CORO7: variants seen among roughly 807,000 people sequenced by gnomAD.
CORO7 encodes the protein coronin 7.
In CORO7, 107 loss-of-function variants were observed where a neutral mutation model predicts 126.6. That is an observed-to-expected ratio of 0.85 (90% CI 0.72 to 0.99). CORO7 has a LOEUF of 0.99. CORO7 is among the 50% of genes least tolerant of loss of function. The probability of loss-of-function intolerance (pLI) is 0.00; values close to 1 mark genes in which losing one functional copy is unlikely to be tolerated. For missense variants in CORO7, 1,314 were observed against 1,255.8 expected, an observed-to-expected ratio of 1.05 and a Z score of -0.70; for synonymous variants, 603 against 536.8, an observed-to-expected ratio of 1.12 and a Z score of -1.70.
chr16:4,365,948 C>A (rs1338791245), intron 9 of CORO7, among the ~76,000 whole-genome samples: 5 of 152,200 alleles, frequency 3.3e-5, no homozygotes, highest in Non-Finnish European at 7.3e-5. Context: ...AGGAGCCTCC[C>A]GTCCCCACTC....
intron 9 of CORO7, chr16:4,382,446 C>T: frequency 1.2e-6 from 2 of 1,609,612 alleles, no homozygotes; most frequent in Non-Finnish European, 1.7e-6. Flanking sequence ...ACACGGTCAC[C>T]CAGCTGCGGC....
intron 7 of CORO7, 144 bp downstream of exon 7, chr16:4,395,145 G>A: frequency 9.0e-7 from 1 of 1,106,374 alleles, no homozygotes; most frequent in East Asian, 2.6e-5. Context: ...CCCAGCAGTG[G>A]TGGTCCACCT....
At chr16:4,366,949 C>T (rs1198642839) in intron 9 of CORO7, among the ~76,000 whole-genome samples, 1 of 152,162 alleles carries the variant, frequency 6.6e-6, no homozygotes, top group Non-Finnish European at 1.5e-5. Flanking sequence ...CAGAGGTCAC[C>T]CAGCTGTGGC....
chr16:4,361,322 C>G (rs1440556925), intron 17 of CORO7, 39 bp downstream of exon 17: 1 of 1,611,066 alleles, frequency 6.2e-7, no homozygotes, highest in Non-Finnish European at 8.5e-7. Context: ...ATCCGGGACC[C>G]AGGACCCTCC....
chr16:4,361,685 G>A, intron 16 of CORO7: 1 of 789,946 alleles, frequency 1.3e-6, no homozygotes, highest in Non-Finnish European at 2.1e-6. Context: ...AGCGTGAACT[G>A]GCGGGAAAAG....
intron 7 of CORO7, among the ~76,000 whole-genome samples, chr16:4,394,678 G>A (rs983738815): frequency 5.3e-5 from 8 of 152,230 alleles, no homozygotes; most frequent in African/African-American, 1.9e-4. Context: ...GCCTAGCACA[G>A]GCAATGTTTA....
In CORO7 at chr16:4,393,593, G is replaced by T. The variant is rs569122699; in HGVS notation, c.615+1696C>A. Among the ~76,000 whole-genome samples the T allele has an allele frequency of 2.0e-5, 3 of 152,284 alleles. No homozygotes were observed. In the South Asian group the frequency reaches 6.2e-4, roughly 32 times the overall value. On this transcript the variant is annotated intron_variant, in intron 7 of 27. Transcript: ENST00000251166. Reference sequence around the variant, plus strand: ...TCTCCTGAGTCTTGTGTGTGTAGGGGGCTCTGGGGCTCCGGGCTACCACTA... The same window carrying T: ...TCTCCTGAGTCTTGTGTGTGTAGGGTGCTCTGGGGCTCCGGGCTACCACTA...
chr16:4,361,827 C>T, intron 16 of CORO7, 158 bp downstream of exon 16: 1 of 1,200,918 alleles, frequency 8.3e-7, no homozygotes, highest in Non-Finnish European at 1.2e-6. Context: ...ATAAAAGTGG[C>T]AGGCCCCATG....
chr16:4,361,731 C>A (rs1395232345), intron 16 of CORO7: 2 of 798,776 alleles, frequency 2.5e-6, no homozygotes, highest in South Asian at 2.9e-5. Flanking sequence ...GGCTTCGGAT[C>A]CCAGCTCCAC....
chr16:4,377,817 T>C (rs1450617886), intron 9 of CORO7, among the ~76,000 whole-genome samples: 1 of 152,128 alleles, frequency 6.6e-6, no homozygotes, highest in African/African-American at 2.4e-5. Flanking sequence ...GCAAAAGAGC[T>C]CACCGCACAT....
Position 4,395,392 on chromosome 16 carries a change from G to A in CORO7, c.565-53C>T, listed in dbSNP as rs560488664. ...TTGCGATTAGGGCTGGAGGGTCCCT[G>A]GAAGCCAGCCTGCTCCCCTCACCTC... On this transcript the variant is annotated intron_variant, in intron 6 of 27. Transcript: ENST00000251166. The A allele has an allele frequency of 1.7e-4, 269 of 1,611,450 alleles. 2 individuals carry two copies. In the East Asian group the frequency reaches 5.8e-3, roughly 34 times the overall value.
At chr16:4,414,955 C>G (rs112962347) in intron 1 of CORO7, among the ~76,000 whole-genome samples, 370 of 152,184 alleles carry the variant, frequency 2.4e-3, no homozygotes, top group African/African-American at 8.5e-3. Flanking sequence ...TCCACTTCCT[C>G]GGCTCAAGAG....
intron 7 of CORO7, among the ~76,000 whole-genome samples, chr16:4,394,594 G>T (rs1477869133): frequency 6.6e-6 from 1 of 152,176 alleles, no homozygotes; most frequent in Non-Finnish European, 1.5e-5. Flanking sequence ...GCATTACTCA[G>T]GCCTCTGCTC....
intron 7 of CORO7, 120 bp from the exon 8 acceptor site, chr16:4,388,751 TG>T: frequency 1.9e-6 from 2 of 1,068,388 alleles, no homozygotes; most frequent in Non-Finnish European, 2.7e-6. Flanking sequence ...TCACAGAGGG[TG>T]GGAAGGGCTG....
At chr16:4,391,504 C>T (rs747002890) in intron 7 of CORO7, among the ~76,000 whole-genome samples, 1 of 152,142 alleles carries the variant, frequency 6.6e-6, no homozygotes, top group Non-Finnish European at 1.5e-5. Context: ...CGCAGTGAGC[C>T]GAGACTGTGC....
intron 9 of CORO7, among the ~76,000 whole-genome samples, chr16:4,377,184 C>T (rs887281270): frequency 4.6e-5 from 7 of 152,130 alleles, no homozygotes; most frequent in African/African-American, 1.2e-4. Context: ...GGGTGGAGGA[C>T]GGAGGCCCCA....
rs1275789835 is a variant in CORO7, at chr16:4,358,063, A to C, written c.2498T>G (p.Val833Gly). The change falls in exon 25 of 28, where the codon GTG becomes GGG. Residue 833 changes from valine (V) to glycine (G), a missense_variant. By Grantham distance (109) the Val-to-Gly change is moderately radical. Coordinates refer to ENST00000251166, the MANE Select transcript of CORO7 (RefSeq NM_024535.5). ...GGCACTGAGCACAGGCTCCCAGATC[A>C]CAGCCGTGTCTGGGAACACGTCATC... is the stretch of plus-strand genomic sequence containing the variant. Reference protein sequence around the residue: ...FQDDVFPDTAVIWEPVLSAEA... With the variant: ...FQDDVFPDTAGIWEPVLSAEA... 6.2e-7 allele frequency: 1 copy of C among 1,613,124 alleles called. No homozygotes were observed. Among genetic ancestry groups the C allele is most frequent in the Non-Finnish European group, 8.5e-7 (1 of 1,179,460 alleles).
intron 9 of CORO7, among the ~76,000 whole-genome samples, chr16:4,371,525 G>T (rs1308213207): frequency 6.6e-6 from 1 of 152,210 alleles, no homozygotes; most frequent in African/African-American, 2.4e-5. Flanking sequence ...CCCTGGGGTG[G>T]ACTTCTGGCA....
intron 9 of CORO7, chr16:4,381,456 C>A (rs369854738): frequency 1.8e-5 from 28 of 1,579,492 alleles, no homozygotes; most frequent in Non-Finnish European, 2.4e-5. Context: ...ACACTGCCAA[C>A]GTGGAGGCGC....
Sources: gnomAD v4.1 joint callset for allele counts (sites outside exome capture counted in the v4.1 genomes callset) on GRCh38, gnomAD v4.1.1 for gene constraint, MANE v1.5 for transcripts, NCBI Gene and HGNC (gene_info 2026-07-23, HGNC 2026-07-21) for gene names.